Variants in EBF2 observed in about 807,000 individuals in gnomAD.
EBF2 encodes transcription factor COE2.
A neutral mutation model predicts 72.8 loss-of-function variants in EBF2; 21 were observed. That is an observed-to-expected ratio of 0.29 (90% CI 0.20 to 0.42). The LOEUF is 0.42. Ranked by LOEUF, EBF2 falls within the 10% of genes least tolerant of loss-of-function variation. The probability of loss-of-function intolerance (pLI) is 1.00; values close to 1 mark genes in which losing one functional copy is unlikely to be tolerated. For missense variants in EBF2, 637 were observed against 731.2 expected (o/e 0.87, Z 1.49); for synonymous variants, 299 against 274.2 (o/e 1.09, Z -0.89).
chr8:25,860,255 G>A (rs1696401403), intron 13 of EBF2, among the ~76,000 whole-genome samples: 1 of 152,020 alleles, frequency 6.6e-6, no homozygotes, highest in African/African-American at 2.4e-5. Flanking sequence ...TTTGTTTGTT[G>A]TTATATATAT....
intron 11 of EBF2, 126 bp downstream of exon 11, chr8:25,862,583 G>A (rs185079939): frequency 2.5e-5 from 13 of 510,632 alleles, no homozygotes; most frequent in African/African-American, 3.9e-5. Flanking sequence ...TGTGCATCTC[G>A]TATCTAAAGC....
chr8:25,934,659 A>T (rs908046910), intron 6 of EBF2, among the ~76,000 whole-genome samples: 2 of 152,146 alleles, frequency 1.3e-5, no homozygotes, highest in Admixed American at 1.3e-4. Flanking sequence ...AAGTGACACA[A>T]TGTGCATGGC....
At chr8:25,964,050 A>T (rs1454435874) in intron 6 of EBF2, among the ~76,000 whole-genome samples, 1 of 152,126 alleles carries the variant, frequency 6.6e-6, no homozygotes, top group Admixed American at 6.5e-5. Flanking sequence ...TATCAATAGG[A>T]TCAATTAGCA....
Position 25,877,680 on chromosome 8 carries a change from G to A in EBF2, c.1009+9075C>T, listed in dbSNP as rs145031658. Among the ~76,000 whole-genome samples, 846 of 152,254 alleles carry A rather than the reference G, an allele frequency of 5.6e-3. 7 individuals are homozygous for A. The highest frequency in any genetic ancestry group is 9.4e-3 in the Non-Finnish European group (639 of 68,016). On this transcript the variant is annotated intron_variant, in intron 10 of 15. Transcript: ENST00000520164. Reference sequence around the variant, plus strand: ...GACTATGGACCACAGAGTGTGTGCAGTGGGACAGGGGTGGAAGGAGGAAAG... The same window carrying A: ...GACTATGGACCACAGAGTGTGTGCAATGGGACAGGGGTGGAAGGAGGAAAG...
At chr8:25,853,986 T>C (rs1164035323) in intron 14 of EBF2, among the ~76,000 whole-genome samples, 1 of 152,146 alleles carries the variant, frequency 6.6e-6, no homozygotes, top group Non-Finnish European at 1.5e-5. Context: ...CTTAAATGTA[T>C]TGCTTTCACT....
At chr8:25,934,295 C>A (rs1040041409) in intron 6 of EBF2, among the ~76,000 whole-genome samples, 3 of 150,736 alleles carry the variant, frequency 2.0e-5, no homozygotes, top group Non-Finnish European at 4.4e-5. Context: ...TTTTTGATAT[C>A]TGTTCTCTGA....
intron 6 of EBF2, among the ~76,000 whole-genome samples, chr8:25,910,103 C>T (rs1803102132): frequency 6.6e-6 from 1 of 152,280 alleles, no homozygotes; most frequent in African/African-American, 2.4e-5. Flanking sequence ...AAATTCACAA[C>T]CTGCCGCTGC....
chr8:25,895,988 T>C (rs1802858652), intron 7 of EBF2, among the ~76,000 whole-genome samples: 1 of 152,088 alleles, frequency 6.6e-6, no homozygotes, highest in Non-Finnish European at 1.5e-5. Flanking sequence ...ACTCTAACTG[T>C]ATGATTTAGT....
intron 6 of EBF2, among the ~76,000 whole-genome samples, chr8:25,986,237 C>G (rs1225345025): frequency 6.6e-6 from 1 of 151,992 alleles, no homozygotes; most frequent in Non-Finnish European, 1.5e-5. Context: ...ACGCAATAGC[C>G]CCCACCTAGA....
chr8:25,911,912 G>A (rs1033678282), intron 6 of EBF2, among the ~76,000 whole-genome samples: 4 of 152,178 alleles, frequency 2.6e-5, no homozygotes, highest in Admixed American at 6.5e-5. Context: ...CAGAGTGGGC[G>A]GTGCCCTGAG....
intron 14 of EBF2, among the ~76,000 whole-genome samples, chr8:25,855,613 C>T (rs1802073878): frequency 6.6e-6 from 1 of 152,178 alleles, no homozygotes; most frequent in African/African-American, 2.4e-5. Context: ...TGTTTTCAGA[C>T]ACAAGCAACT....
intron 6 of EBF2, among the ~76,000 whole-genome samples, chr8:26,015,463 G>A (rs1183826591): frequency 2.0e-5 from 3 of 152,178 alleles, no homozygotes; most frequent in African/African-American, 7.2e-5. Flanking sequence ...CTAGGTGCTC[G>A]CTATGCATTT....
chr8:25,893,135 G>A (rs944044247), intron 7 of EBF2, among the ~76,000 whole-genome samples: 5 of 152,118 alleles, frequency 3.3e-5, no homozygotes, highest in Non-Finnish European at 7.3e-5. Context: ...GAAAATAATA[G>A]GAGAAGAGAG....
At chr8:25,942,924 C>T (rs986988498) in intron 6 of EBF2, among the ~76,000 whole-genome samples, 5 of 152,080 alleles carry the variant, frequency 3.3e-5, no homozygotes, top group African/African-American at 7.2e-5. Flanking sequence ...CTGATGAGTG[C>T]GTGGTGCATG....
chr8:25,935,874 C>T (rs145874994), intron 6 of EBF2, among the ~76,000 whole-genome samples: 1 of 152,108 alleles, frequency 6.6e-6, no homozygotes, highest in East Asian at 1.9e-4. Context: ...AGGCACTAAC[C>T]CTGTTTGTGT....
intron 6 of EBF2, among the ~76,000 whole-genome samples, chr8:25,916,650 A>C (rs2874610): frequency 0.083 from 12,614 of 152,126 alleles, 1,812 homozygotes; most frequent in African/African-American, 0.29. Context: ...AGAAAAAAAA[A>C]CCACACATGT....
intron 6 of EBF2, among the ~76,000 whole-genome samples, chr8:25,957,219 T>G (rs1249453361): frequency 6.6e-6 from 1 of 152,232 alleles, no homozygotes; most frequent in Non-Finnish European, 1.5e-5. Flanking sequence ...AAATCTTTCT[T>G]TCCCACAGAT....
At chr8:25,976,718 C>T (rs1804274216) in intron 6 of EBF2, among the ~76,000 whole-genome samples, 1 of 152,156 alleles carries the variant, frequency 6.6e-6, no homozygotes, top group Non-Finnish European at 1.5e-5. Flanking sequence ...TCTAAGTAAA[C>T]ATAAATGTGT....
intron 5 of EBF2, among the ~76,000 whole-genome samples, chr8:26,035,874 C>A (rs977295376): frequency 1.3e-5 from 2 of 152,070 alleles, no homozygotes; most frequent in Non-Finnish European, 2.9e-5. Flanking sequence ...GTCTCTCTTC[C>A]CAAATCCCTA....
Sources: gnomAD v4.1 joint callset for allele counts (sites outside exome capture counted in the v4.1 genomes callset) on GRCh38, gnomAD v4.1.1 for gene constraint, MANE v1.5 for transcripts, NCBI Gene and HGNC (gene_info 2026-07-23, HGNC 2026-07-21) for gene names.